Variants in GLIS1 observed in about 807,000 individuals in gnomAD.
The protein encoded by GLIS1 is zinc finger protein GLIS1.
GLIS1 carries 24 observed loss-of-function variants against 63.8 expected under a neutral mutation model. That is an observed-to-expected ratio of 0.38 (90% CI 0.27 to 0.53). The LOEUF is 0.53. GLIS1 is among the 20% of genes least tolerant of loss of function. GLIS1 has a pLI of 0.85. For synonymous variants in GLIS1, 450 were observed against 482.5 expected (o/e 0.93, Z 0.88); for missense variants, 1,036 against 1,074.1 (o/e 0.96, Z 0.50).
intron 4 of GLIS1, among the ~76,000 whole-genome samples, chr1:53,557,580 G>A (rs572996712): frequency 7.2e-5 from 11 of 152,324 alleles, no homozygotes; most frequent in African/African-American, 2.6e-4. Flanking sequence ...CCCTGTGGCT[G>A]AGGCCGGCTG....
chr1:53,727,329 C>T (rs751859336), intron 2 of GLIS1, among the ~76,000 whole-genome samples: 42 of 151,928 alleles, frequency 2.8e-4, no homozygotes, highest in Non-Finnish European at 5.6e-4. Context: ...GGGCTCTAAG[C>T]CTGTCCTGGA....
chr1:53,571,769 G>A (rs935563577), intron 4 of GLIS1, among the ~76,000 whole-genome samples: 3 of 151,872 alleles, frequency 2.0e-5, no homozygotes, highest in Admixed American at 1.3e-4. Flanking sequence ...TAGTACAGAC[G>A]GGGTTTCACC....
chr1:53,664,462 T>C (rs1175099919), intron 2 of GLIS1, among the ~76,000 whole-genome samples: 1 of 152,242 alleles, frequency 6.6e-6, no homozygotes, highest in East Asian at 1.9e-4. Context: ...GCCTCCAATG[T>C]CATCATCACA....
chr1:53,652,480 G>A (rs1037303124), intron 2 of GLIS1, among the ~76,000 whole-genome samples: 1 of 152,108 alleles, frequency 6.6e-6, no homozygotes, highest in African/African-American at 2.4e-5. Flanking sequence ...TGAGATGGTG[G>A]CCAGGGGATC....
chr1:53,619,848 C>T (rs184418737), intron 2 of GLIS1, among the ~76,000 whole-genome samples: 10 of 152,286 alleles, frequency 6.6e-5, no homozygotes, highest in African/African-American at 9.6e-5. Context: ...GCCCAGTGAG[C>T]GTGAAGGGCT....
intron 7 of GLIS1, among the ~76,000 whole-genome samples, chr1:53,515,878 C>T (rs1644347781): frequency 6.6e-6 from 1 of 151,410 alleles, no homozygotes; most frequent in African/African-American, 2.4e-5. Flanking sequence ...GGCCATTACA[C>T]CCAGAATGGA....
At chr1:53,518,619 C>A (rs965106756) in intron 7 of GLIS1, among the ~76,000 whole-genome samples, 23 of 152,198 alleles carry the variant, frequency 1.5e-4, no homozygotes, top group Admixed American at 1.2e-3. Flanking sequence ...AGGCTCAAAG[C>A]AGGGAAGATA....
intron 4 of GLIS1, among the ~76,000 whole-genome samples, chr1:53,583,308 C>G (rs1645104242): frequency 6.6e-6 from 1 of 152,210 alleles, no homozygotes; most frequent in African/African-American, 2.4e-5. Flanking sequence ...TGCCCAGGGC[C>G]TGACTGTTCC....
chr1:53,657,532 C>A, intron 2 of GLIS1, among the ~76,000 whole-genome samples: 1 of 152,170 alleles, frequency 6.6e-6, no homozygotes, highest in Non-Finnish European at 1.5e-5. Context: ...TAAGGACTGG[C>A]AGCTTCCCTC....
chr1:53,693,415 G>T (rs1646429151), intron 2 of GLIS1, among the ~76,000 whole-genome samples: 1 of 152,174 alleles, frequency 6.6e-6, no homozygotes. Context: ...TCGGGGGCAG[G>T]CATCTGGCCA....
In GLIS1 at chr1:53,550,888, G is replaced by A. The variant is rs541743405; in HGVS notation, c.1321-20936C>T. Among the ~76,000 whole-genome samples, 3 of 152,088 alleles carry A rather than the reference G, an allele frequency of 2.0e-5. No individual in the cohort carries two copies. In the South Asian group the frequency reaches 6.3e-4, roughly 32 times the overall value. On this transcript the variant is annotated intron_variant, in intron 4 of 10. Coordinates refer to ENST00000628545, the MANE Select transcript of GLIS1 (RefSeq NM_001367484.1). ...TTTTTTTGAGACAGAGTCTTGCTCT[G>A]TGCCCAGGCTGGAGTGCAATGGCGC...
At chr1:53,695,433 G>C (rs991392910) in intron 2 of GLIS1, among the ~76,000 whole-genome samples, 1 of 152,228 alleles carries the variant, frequency 6.6e-6, no homozygotes, top group African/African-American at 2.4e-5. Flanking sequence ...ACCAGAAGAA[G>C]GTGACAGACA....
At chr1:53,569,155 A>G (rs1186077442) in intron 4 of GLIS1, among the ~76,000 whole-genome samples, 1 of 152,246 alleles carries the variant, frequency 6.6e-6, no homozygotes, top group Non-Finnish European at 1.5e-5. Context: ...GGAAGGAGGG[A>G]TAAACAGGCA....
chr1:53,685,779 T>C (rs564044600), intron 2 of GLIS1, among the ~76,000 whole-genome samples: 3 of 152,280 alleles, frequency 2.0e-5, no homozygotes, highest in African/African-American at 7.2e-5. Flanking sequence ...TGGCCACCGC[T>C]ACCACGGTCT....
chr1:53,707,808 C>G (rs1646596061), intron 2 of GLIS1, among the ~76,000 whole-genome samples: 1 of 151,954 alleles, frequency 6.6e-6, no homozygotes, highest in African/African-American at 2.4e-5. Context: ...CTGCCTCAGC[C>G]TCACAAAGTG....
intron 4 of GLIS1, 37 bp downstream of exon 4, chr1:53,594,071 G>A (rs777253978): frequency 1.3e-6 from 2 of 1,575,018 alleles, no homozygotes; most frequent in Non-Finnish European, 1.7e-6. Flanking sequence ...TCTGCCAGAG[G>A]GGCTGGGGTG....
chr1:53,553,205 C>G (rs1378603777), intron 4 of GLIS1, among the ~76,000 whole-genome samples: 3 of 152,190 alleles, frequency 2.0e-5, no homozygotes, highest in Non-Finnish European at 2.9e-5. Context: ...GAAAGCGCAG[C>G]CTCGGGGCTG....
chr1:53,641,672 G>A (rs757730213), intron 2 of GLIS1, among the ~76,000 whole-genome samples: 1 of 152,134 alleles, frequency 6.6e-6, no homozygotes, highest in East Asian at 1.9e-4. Flanking sequence ...AATAAACAAG[G>A]ACAAGTAGGT....
At chr1:53,632,591 A>G (rs546944372) in intron 2 of GLIS1, among the ~76,000 whole-genome samples, 8 of 145,020 alleles carry the variant, frequency 5.5e-5, no homozygotes, top group East Asian at 2.2e-4. Context: ...AATGAGTGTG[A>G]CTGAGGGACA....
Sources: gnomAD v4.1 joint callset for allele counts (sites outside exome capture counted in the v4.1 genomes callset) on GRCh38, gnomAD v4.1.1 for gene constraint, MANE v1.5 for transcripts, NCBI Gene and HGNC (gene_info 2026-07-23, HGNC 2026-07-21) for gene names.